Variants in RCC2 observed in about 807,000 individuals in gnomAD.
RCC2 encodes the protein protein RCC2.
A neutral mutation model predicts 64.1 loss-of-function variants in RCC2; 19 were observed. The observed-to-expected ratio is 0.30, with a 90% CI of 0.21 to 0.44. The LOEUF (loss-of-function observed/expected upper bound fraction) is 0.44. Among genes scored for constraint, RCC2 ranks in the 20% least tolerant of loss-of-function variants. RCC2 has a pLI of 1.00. For synonymous variants in RCC2, 325 were observed against 279.6 expected (o/e 1.16, Z -1.62); for missense variants, 508 against 710.4 (o/e 0.72, Z 3.24).
chr1:17,423,526 G>A (rs1459949224), intron 4 of RCC2, among the ~76,000 whole-genome samples: 5 of 152,196 alleles, frequency 3.3e-5, no homozygotes, highest in Non-Finnish European at 7.3e-5. Flanking sequence ...CGGAAGGCAG[G>A]CCTGAGGGCC....
At position 17,410,060 on chromosome 1, in the gene RCC2, G is replaced by A. The variant is rs2075408221; in HGVS notation, c.1387-9C>T. 11 of 1,613,260 alleles carry A rather than the reference G, an allele frequency of 6.8e-6. No individual in the cohort carries two copies. The highest frequency in any genetic ancestry group is 1.7e-5 in the Admixed American group (1 of 59,992). On this transcript the variant is annotated splice_polypyrimidine_tract_variant and intron_variant, in intron 11 of 12. Coordinates refer to ENST00000375436, the MANE Select transcript of RCC2 (RefSeq NM_018715.4). Reference sequence around the variant, plus strand: ...TTGTGGTCCCCGTAGCCCTGGCGAAGCAAACAAGATGTTCGCAATCGAGGA... The same window carrying A: ...TTGTGGTCCCCGTAGCCCTGGCGAAACAAACAAGATGTTCGCAATCGAGGA...
chr1:17,422,948 G>T, intron 4 of RCC2, 112 bp from the exon 5 acceptor site: 2 of 1,327,444 alleles, frequency 1.5e-6, no homozygotes, highest in Non-Finnish European at 2.0e-6. Flanking sequence ...TCTCTGGAAG[G>T]TACCCTCCAA....
intron 7 of RCC2, 72 bp from the exon 8 acceptor site, chr1:17,416,718 C>G (rs2100361634): frequency 6.7e-7 from 1 of 1,488,256 alleles, no homozygotes; most frequent in Non-Finnish European, 9.1e-7. Flanking sequence ...CTCACACGGA[C>G]TCTGTAGTGA....
rs1458345632 is a variant in RCC2 at position 17,425,701 on chromosome 1, A to T, written c.380-17T>A. The T allele has an allele frequency of 6.3e-7, 1 of 1,595,812 alleles. No homozygotes were observed. On this transcript the variant is annotated splice_polypyrimidine_tract_variant and intron_variant, in intron 3 of 12. Transcript: ENST00000375436. ...GGTAAGCAGCTGCAGAGAGAATGAG[A>T]ATGCAGATCAGACACCTGGGGTGGT... is the stretch of plus-strand genomic sequence containing the variant.
chr1:17,431,359 A>AAAAAAAAATAT lies in RCC2; in HGVS notation c.286-2161_286-2160insATATTTTTTTT, dbSNP rs1553158471. ...AAAAAAAAAAAAAAAAAAAAAAAAAAATATATATATATATATATATATGTG... is the reference window on the plus strand; with the variant it reads ...AAAAAAAAAAAAAAAAAAAAAAAAAAAAAAAAAATATATATATATATATATATATATATGTG... On this transcript the variant is annotated intron_variant, in intron 2 of 12. Coordinates refer to ENST00000375436, the MANE Select transcript of RCC2 (RefSeq NM_018715.4). Among the ~76,000 whole-genome samples the AAAAAAAAATAT allele has an allele frequency of 8.9e-5, 4 of 44,928 alleles. No homozygotes were observed. The East Asian group carries it at 1.8e-3, about 20-fold the overall frequency. The allele number at this position is 44,928 out of a possible 152,430, so 29.5% of individuals were successfully genotyped here. A position where few individuals can be genotyped will look rare whatever the true frequency, so the allele number is the denominator to read the frequency against.
chr1:17,430,345 A>G (rs1037075628), intron 2 of RCC2, among the ~76,000 whole-genome samples: 1 of 151,662 alleles, frequency 6.6e-6, no homozygotes, highest in African/African-American at 2.4e-5. Flanking sequence ...CCTTGTCTCT[A>G]CAGAAAATAG....
intron 7 of RCC2, among the ~76,000 whole-genome samples, chr1:17,418,274 G>A (rs1313659838): frequency 6.6e-6 from 1 of 150,608 alleles, no homozygotes; most frequent in Non-Finnish European, 1.5e-5. Context: ...GAGTGCGGTG[G>A]CATGATCTCT....
At chr1:17,437,912 A>C (rs1488260749) in intron 2 of RCC2, among the ~76,000 whole-genome samples, 6 of 139,410 alleles carry the variant, frequency 4.3e-5, no homozygotes, top group Admixed American at 1.4e-4. Flanking sequence ...GCGCAGAGGG[A>C]GCTGTGGGGG....
At chr1:17,429,883 A>G (rs1218230993) in intron 2 of RCC2, among the ~76,000 whole-genome samples, 1 of 152,204 alleles carries the variant, frequency 6.6e-6, no homozygotes, top group Admixed American at 6.5e-5. Context: ...AAGCTGTCAC[A>G]GCAGCCAGCA....
At position 17,438,230 on chromosome 1, in the gene RCC2, G is replaced by C; in HGVS notation, c.285C>G (p.Val95=). ...ITEPEHTKER[V]KLEGSKCKGQ... is the part of the protein sequence containing the mutation. ...CCCGTCTACCCTGACCCTCACTCAC[G>C]ACGCGCTCCTTGGTGTGCTCGGGTT... Residue 95 remains valine (V), a splice_region_variant and synonymous_variant, in exon 2 of 13, where the codon GTC becomes GTG. Coordinates refer to ENST00000375436, the MANE Select transcript of RCC2 (RefSeq NM_018715.4). 1.5e-6 allele frequency: 2 copies of C among 1,302,886 alleles called. No individual in the cohort carries two copies. Among genetic ancestry groups the C allele is most frequent in the Non-Finnish European group, 2.0e-6 (2 of 1,007,396 alleles). 80.7% of individuals were successfully genotyped at this position (1,302,886 alleles called of 1,614,324 possible). A position where few individuals can be genotyped will look rare whatever the true frequency, so the allele number is the denominator to read the frequency against.
In RCC2 at chr1:17,422,891, A is replaced by G. The variant is rs980965361; in HGVS notation, c.524-55T>C. The G allele has an allele frequency of 3.1e-6, 5 of 1,609,774 alleles. No homozygotes were observed. The African/African-American group carries it at 6.7e-5, about 22-fold the overall frequency. ...GAGAGAGGGTGGTCCAGGCGGCACC[A>G]CCAGGAGAAGGCGAGTACAAACACA... On this transcript the variant is annotated intron_variant, in intron 4 of 12. Coordinates refer to ENST00000375436, the MANE Select transcript of RCC2 (RefSeq NM_018715.4).
Position 17,410,457 on chromosome 1 carries a change from G to A in RCC2, c.1387-406C>T, listed in dbSNP as rs750973212. Reference sequence around the variant, plus strand: ...ATGCCCTTGATGCCTCCACCATCCAGAGTGGAATAATCACCATCCAAAACA... The same window carrying A: ...ATGCCCTTGATGCCTCCACCATCCAAAGTGGAATAATCACCATCCAAAACA... On this transcript the variant is annotated intron_variant, in intron 11 of 12. Coordinates refer to ENST00000375436, the MANE Select transcript of RCC2 (RefSeq NM_018715.4). Among the ~76,000 whole-genome samples, 3 of 152,330 alleles carry A rather than the reference G, an allele frequency of 2.0e-5. No homozygotes were observed. In the South Asian group the frequency reaches 6.2e-4, roughly 32 times the overall value.
At chr1:17,423,548 C>G (rs78395829) in intron 4 of RCC2, among the ~76,000 whole-genome samples, 1 of 152,252 alleles carries the variant, frequency 6.6e-6, no homozygotes, top group African/African-American at 2.4e-5. Flanking sequence ...ACCCCTACCC[C>G]CAAGTCCTCT....
At position 17,422,751 on chromosome 1, in the gene RCC2, C is replaced by T. The variant is rs752030731; in HGVS notation, c.609G>A (p.Val203=). The change falls in exon 5 of 13, where the codon GTG becomes GTA. Residue 203 remains valine (V), a synonymous_variant. Coordinates refer to ENST00000375436, the MANE Select transcript of RCC2 (RefSeq NM_018715.4). ...TCCGCCCACATGCTGCAGACACAAT[C>T]ACTTCGTGGCTAAGACCCTCGATGA... ...PRLIEGLSHE[V]IVSAACGRNH... is the part of the protein sequence containing the mutation. 4.3e-6 allele frequency: 7 copies of T among 1,614,200 alleles called. 1 individual carries two copies. In the South Asian group the frequency reaches 7.7e-5, roughly 18 times the overall value.
Position 17,418,381 on chromosome 1 carries a change from G to A in RCC2, c.860-1735C>T, listed in dbSNP as rs187935343. 3.9e-5 allele frequency among the ~76,000 whole-genome samples: 6 copies of A among 152,244 alleles called. No individual in the cohort carries two copies. In the East Asian group the frequency reaches 5.8e-4, roughly 15 times the overall value. ...GTTTAAAAGTCTGAGGGTCTTGGCC[G>A]GGCGCGGTGGCTCGCGCCTGTAATC... On this transcript the variant is annotated intron_variant, in intron 7 of 12. Transcript: ENST00000375436.
At chr1:17,429,788 A>T (rs1297709243) in intron 2 of RCC2, among the ~76,000 whole-genome samples, 1 of 152,142 alleles carries the variant, frequency 6.6e-6, no homozygotes, top group Non-Finnish European at 1.5e-5. Context: ...GCGGCCTTTG[A>T]TGGCACCCTC....
chr1:17,428,589 T>C (rs1226881114), intron 3 of RCC2, among the ~76,000 whole-genome samples: 2 of 152,324 alleles, frequency 1.3e-5, no homozygotes, highest in African/African-American at 4.8e-5. Flanking sequence ...AGACACCAGT[T>C]TTCCAAAGGT....
At chr1:17,437,116 G>A (rs1301390061) in intron 2 of RCC2, among the ~76,000 whole-genome samples, 1 of 152,206 alleles carries the variant, frequency 6.6e-6, no homozygotes, top group Non-Finnish European at 1.5e-5. Flanking sequence ...CTTTGGACAA[G>A]GCCCTCGAAT....
Position 17,409,055 on chromosome 1 carries a change from C to T in RCC2, c.*35G>A, listed in dbSNP as rs765650298. On this transcript the variant is annotated 3_prime_UTR_variant, in exon 13 of 13. Transcript: ENST00000375436. ...GTGCACATGGAAATGACAGCTGCCG[C>T]GAGAGGTGTGGAGTCGGAGGAGTCT... 5 of 1,430,586 alleles carry T rather than the reference C, an allele frequency of 3.5e-6. No homozygotes were observed. The highest frequency in any genetic ancestry group is 2.3e-5 in the East Asian group (1 of 44,020). 88.6% of individuals were successfully genotyped at this position (1,430,586 alleles called of 1,614,324 possible).
Sources: allele counts gnomAD v4.1 joint callset (sites outside exome capture counted in the v4.1 genomes callset), GRCh38; gene constraint gnomAD v4.1.1; transcripts MANE v1.5; gene names NCBI Gene and HGNC (gene_info 2026-07-23, HGNC 2026-07-21).